ADGRG1: variants seen among roughly 807,000 people sequenced by gnomAD.
The protein encoded by ADGRG1 is 7-transmembrane protein with no EGF-like N-terminal domains-1.
In ADGRG1, 53 loss-of-function variants were observed where a neutral mutation model predicts 73.5. The observed-to-expected ratio is 0.72, with a 90% CI of 0.58 to 0.91. ADGRG1 has a LOEUF of 0.91. ADGRG1 is among the 40% of genes least tolerant of loss of function. ADGRG1 has a pLI of 0.00. For missense variants in ADGRG1, 795 were observed against 871.8 expected, an observed-to-expected ratio of 0.91 and a Z score of 1.11; for synonymous variants, 394 against 374.4, an observed-to-expected ratio of 1.05 and a Z score of -0.60.
intron 1 of ADGRG1, chr16:57,642,650 TG>T (rs1567710704): frequency 1.0e-6 from 1 of 984,692 alleles, no homozygotes; most frequent in South Asian, 4.7e-5. Context: ...TTCTCTAATC[TG>T]GGGACTAGTG....
Position 57,645,199 on chromosome 16 carries a change from C to T in ADGRG1, c.-35-5054C>T, listed in dbSNP as rs2042284084. The T allele has an allele frequency of 7.1e-6, 7 of 985,330 alleles. No homozygotes were observed. In the South Asian group the frequency reaches 2.3e-4, roughly 33 times the overall value. 61.0% of individuals were successfully genotyped at this position (985,330 alleles called of 1,614,324 possible). On this transcript the variant is annotated intron_variant, in intron 1 of 13. Coordinates refer to ENST00000562631, the MANE Select transcript of ADGRG1 (RefSeq NM_201525.4). ...CCAGCAGCCCACAGGAGAGCAGCTG[C>T]GGACGGGAGGGGAGCTAGGGCAGTG... is the stretch of plus-strand genomic sequence containing the variant.
intron 1 of ADGRG1, chr16:57,642,271 T>C: frequency 2.0e-6 from 2 of 984,480 alleles, no homozygotes; most frequent in Non-Finnish European, 2.4e-6. Flanking sequence ...CGAAGGGAGG[T>C]GGGATAGGCC....
In ADGRG1 at chr16:57,653,436, C is replaced by T. The variant is rs548488825; in HGVS notation, c.620+101C>T. The T allele has an allele frequency of 8.3e-6, 13 of 1,562,118 alleles. No homozygotes were observed. The East Asian group carries it at 2.3e-4, about 27-fold the overall frequency. On this transcript the variant is annotated intron_variant, in intron 4 of 13. Transcript: ENST00000562631. The stretch of plus-strand genomic sequence containing the variant: ...GAGTAGGGGCTACTGCGAGGCCTTC[C>T]CTGGGACTGGAATGCTTCTTTGATT...
chr16:57,651,077 C>T (rs1567750532), intron 2 of ADGRG1, 123 bp from the exon 3 acceptor site: 1 of 1,593,176 alleles, frequency 6.3e-7, no homozygotes. Context: ...TTTTTGTAGA[C>T]CCTTGGAATG....
chr16:57,652,866 A>G, intron 3 of ADGRG1: 1 of 1,155,188 alleles, frequency 8.7e-7, no homozygotes, highest in Non-Finnish European at 1.1e-6. Context: ...AACCACCACC[A>G]AGCCCCGCAC....
chr16:57,656,726 G>A (rs1370422442), intron 9 of ADGRG1, 109 bp downstream of exon 9: 5 of 789,120 alleles, frequency 6.3e-6, no homozygotes, highest in African/African-American at 3.4e-5. Context: ...GCTCTCCAAG[G>A]TAGCTTCTAT....
At chr16:57,651,923 A>G in intron 3 of ADGRG1, 3 of 1,369,270 alleles carry the variant, frequency 2.2e-6, no homozygotes, top group Non-Finnish European at 2.8e-6. Flanking sequence ...TTGGTGAAGG[A>G]GGATGAGGTC....
chr16:57,641,476 T>A (rs2040813014), intron 1 of ADGRG1: 2 of 984,922 alleles, frequency 2.0e-6, no homozygotes, highest in South Asian at 9.4e-5. Flanking sequence ...CTCTTTGAGG[T>A]CCCTTCAAGA....
intron 3 of ADGRG1, among the ~76,000 whole-genome samples, chr16:57,652,493 C>T (rs191944344): frequency 1.9e-3 from 291 of 152,270 alleles, no homozygotes; most frequent in African/African-American, 6.8e-3. Flanking sequence ...GATTCTGCCC[C>T]GCAACCTGGG....
At chr16:57,636,185 C>T (rs544176641) in intron 1 of ADGRG1, 66 of 985,250 alleles carry the variant, frequency 6.7e-5, no homozygotes, top group Admixed American at 1.2e-4. Context: ...CCCTTAGGCC[C>T]GAACCACAGG....
chr16:57,648,401 G>C (rs1234802715), intron 1 of ADGRG1: 5 of 955,252 alleles, frequency 5.2e-6, no homozygotes, highest in Non-Finnish European at 6.2e-6. Flanking sequence ...CTTCTCAAAG[G>C]GCTCTGTGAT....
chr16:57,652,960 C>T, intron 3 of ADGRG1: 3 of 1,392,334 alleles, frequency 2.2e-6, no homozygotes, highest in South Asian at 1.5e-5. Flanking sequence ...GAGCAAGGCA[C>T]ATCCCACCCC....
intron 12 of ADGRG1, chr16:57,661,237 C>T: frequency 3.1e-6 from 3 of 974,860 alleles, no homozygotes; most frequent in Non-Finnish European, 3.7e-6. Context: ...AAGAGATCCG[C>T]TCTTGGCCAC....
chr16:57,627,084 G>T, upstream of ADGRG1: 1 of 985,036 alleles, frequency 1.0e-6, no homozygotes, highest in Non-Finnish European at 1.2e-6. Flanking sequence ...CCGTTTTCTG[G>T]AAGCTCTCAC....
intron 7 of ADGRG1, 114 bp downstream of exon 7, chr16:57,656,106 G>A: frequency 6.2e-7 from 1 of 1,613,500 alleles, no homozygotes; most frequent in Non-Finnish European, 8.5e-7. Flanking sequence ...TGATCGAGCA[G>A]TCAGGTCCAA....
Position 57,663,876 on chromosome 16 carries a change from C to A in ADGRG1, c.*294C>A. The A allele has an allele frequency of 2.0e-6, 1 of 504,046 alleles. No individual in the cohort carries two copies. The allele number at this position is 504,046 out of a possible 1,614,324, so 31.2% of individuals were successfully genotyped here. Reference sequence around the variant, plus strand: ...CCCAACCCAGCTGGAGGCCTGGTCTCTCCTTACAACCCCTGGGCCCAGCCC... The same window carrying A: ...CCCAACCCAGCTGGAGGCCTGGTCTATCCTTACAACCCCTGGGCCCAGCCC... On this transcript the variant is annotated 3_prime_UTR_variant, in exon 14 of 14. Transcript: ENST00000562631.
At chr16:57,649,626 C>T (rs2043533823) in intron 1 of ADGRG1, among the ~76,000 whole-genome samples, 1 of 152,108 alleles carries the variant, frequency 6.6e-6, no homozygotes, top group Non-Finnish European at 1.5e-5. Flanking sequence ...GTAGAACCCT[C>T]ATGCCAGATT....
intron 1 of ADGRG1, chr16:57,629,229 C>CTA: frequency 1.0e-6 from 1 of 959,428 alleles, no homozygotes; most frequent in Non-Finnish European, 1.2e-6. Flanking sequence ...GGGTGGGTCT[C>CTA]TAGAGTGGGG....
Position 57,636,009 on chromosome 16 carries a change from C to G in ADGRG1, c.-36+7207C>G, listed in dbSNP as rs1360827498. On this transcript the variant is annotated intron_variant, in intron 1 of 13. Coordinates refer to ENST00000562631, the MANE Select transcript of ADGRG1 (RefSeq NM_201525.4). Reference sequence around the variant, plus strand: ...TCTGCAGACTAGTCCTCGGGACACACCCCACCCCCAGCCTGCTAGATCGCA... The same window carrying G: ...TCTGCAGACTAGTCCTCGGGACACAGCCCACCCCCAGCCTGCTAGATCGCA... 4 of 985,266 alleles carry G rather than the reference C, an allele frequency of 4.1e-6. No individual in the cohort carries two copies. In the African/African-American group the frequency reaches 7.0e-5, roughly 17 times the overall value. The allele number at this position is 985,266 out of a possible 1,614,324, so 61.0% of individuals were successfully genotyped here.
Sources: gnomAD v4.1 joint callset for allele counts (sites outside exome capture counted in the v4.1 genomes callset) on GRCh38, gnomAD v4.1.1 for gene constraint, MANE v1.5 for transcripts, NCBI Gene and HGNC (gene_info 2026-07-23, HGNC 2026-07-21) for gene names.